ALG6: variants seen among roughly 807,000 people sequenced by gnomAD.
ALG6 encodes the protein dolichyl pyrophosphate Man9GlcNAc2 alpha-1,3-glucosyltransferase.
ALG6 carries 46 observed loss-of-function variants against 66.6 expected under a neutral mutation model. The ratio of observed to expected loss-of-function variants is 0.69; its 90% CI spans 0.55 to 0.88. ALG6 has a LOEUF of 0.88. Ranked by LOEUF, ALG6 falls within the 40% of genes least tolerant of loss-of-function variation. ALG6 has a pLI of 0.00. For synonymous variants in ALG6, 185 were observed against 203.7 expected (o/e 0.91, Z 0.78); for missense variants, 505 against 586.8 (o/e 0.86, Z 1.44).
chr1:63,410,661 T>C (rs1402944266), intron 7 of ALG6, among the ~76,000 whole-genome samples: 5 of 152,200 alleles, frequency 3.3e-5, no homozygotes, highest in Non-Finnish European at 7.4e-5. Flanking sequence ...GAAAATCTAA[T>C]TGTGATATTG....
Position 63,375,333 on chromosome 1 carries a change from T to C in ALG6, c.82+4274T>C, listed in dbSNP as rs187010582. Among the ~76,000 whole-genome samples, 694 of 151,866 alleles carry C rather than the reference T, an allele frequency of 4.6e-3. 4 individuals are homozygous for C. Among genetic ancestry groups the C allele is most frequent in the African/African-American group, 0.016 (665 of 41,446 alleles). ...AATCTCGGCTCACTACAATATCCGTTTCCTGGGTTCAAGCAATTCTCCTGC... is the reference window on the plus strand; with the variant it reads ...AATCTCGGCTCACTACAATATCCGTCTCCTGGGTTCAAGCAATTCTCCTGC... On this transcript the variant is annotated intron_variant, in intron 2 of 14. Transcript: ENST00000263440.
At chr1:63,409,455 A>C (rs367554244) in intron 7 of ALG6, among the ~76,000 whole-genome samples, 8 of 152,080 alleles carry the variant, frequency 5.3e-5, no homozygotes, top group African/African-American at 1.7e-4. Flanking sequence ...CCTATTAGTC[A>C]GATGTTTGAT....
chr1:63,389,168 ATC>A (rs750671136), intron 2 of ALG6, among the ~76,000 whole-genome samples: 5 of 149,916 alleles, frequency 3.3e-5, no homozygotes, highest in Admixed American at 6.7e-5. Flanking sequence ...TTCTACCCTG[ATC>A]TCTCTCTCTC....
rs774373539 is a variant in ALG6, at chr1:63,412,077, T to C, written c.816+16T>C. 28 of 1,613,808 alleles carry C rather than the reference T, an allele frequency of 1.7e-5. No individual in the cohort carries two copies. The highest frequency in any genetic ancestry group is 2.2e-5 in the South Asian group (2 of 91,086). Reference sequence around the variant, plus strand: ...ATTATTTGAGGCATGTTTAAACACTTTCCTCTCCTTTCTGTTACTGTACCT... The same window carrying C: ...ATTATTTGAGGCATGTTTAAACACTCTCCTCTCCTTTCTGTTACTGTACCT... On this transcript the variant is annotated intron_variant, in intron 9 of 14. Transcript: ENST00000263440.
chr1:63,430,736 G>A (rs1332634945), intron 14 of ALG6, among the ~76,000 whole-genome samples: 1 of 151,964 alleles, frequency 6.6e-6, no homozygotes, highest in African/African-American at 2.4e-5. Flanking sequence ...ATTTTAAACT[G>A]GGTTGTCTTT....
intron 6 of ALG6, 44 bp from the exon 7 acceptor site, chr1:63,407,018 G>A (rs1348469584): frequency 6.9e-7 from 1 of 1,451,984 alleles, no homozygotes; most frequent in African/African-American, 1.4e-5. Flanking sequence ...TGCTTGATTT[G>A]TGTAACAGAT....
chr1:63,394,271 T>C (rs1003632863), intron 2 of ALG6, among the ~76,000 whole-genome samples: 7 of 152,264 alleles, frequency 4.6e-5, no homozygotes, highest in Admixed American at 4.6e-4. Context: ...GCTGTGATTA[T>C]ACTGTACCTC....
chr1:63,410,225 T>G (rs183772387), intron 7 of ALG6, among the ~76,000 whole-genome samples: 111 of 152,230 alleles, frequency 7.3e-4, no homozygotes, highest in Non-Finnish European at 1.2e-3. Flanking sequence ...TTATAACAGA[T>G]CCTCCCATTC....
chr1:63,426,317 G>A (rs1390817059), intron 12 of ALG6, among the ~76,000 whole-genome samples: 8 of 152,168 alleles, frequency 5.3e-5, no homozygotes, highest in Non-Finnish European at 1.0e-4. Flanking sequence ...CAAGTCACTT[G>A]AAGACTGTGG....
chr1:63,426,191 C>T (rs973218047), intron 12 of ALG6, among the ~76,000 whole-genome samples: 2 of 151,932 alleles, frequency 1.3e-5, no homozygotes, highest in Non-Finnish European at 2.9e-5. Flanking sequence ...GGGGAATAAT[C>T]GGGGATAAAG....
At chr1:63,392,464 C>T (rs949811154) in intron 2 of ALG6, among the ~76,000 whole-genome samples, 1 of 152,114 alleles carries the variant, frequency 6.6e-6, no homozygotes, top group African/African-American at 2.4e-5. Flanking sequence ...AGCCACCACA[C>T]CCTGCCAAAA....
Position 63,433,153 on chromosome 1 carries a change from G to A in ALG6, c.1327-3670G>A, listed in dbSNP as rs954301940. ...AGACGGGGTTTCACCATATTGGCCA[G>A]GCTGGTCTCGAACTCCTGACCTCGT... On this transcript the variant is annotated intron_variant, in intron 14 of 14. Transcript: ENST00000263440. This position sits in a 1 kb window ranked among gnomAD's most constrained non-coding sequence, Gnocchi z 4.2. Among the ~76,000 whole-genome samples, 2 of 152,078 alleles carry A rather than the reference G, an allele frequency of 1.3e-5. No individual in the cohort carries two copies. The highest frequency in any genetic ancestry group is 2.9e-5 in the Non-Finnish European group (2 of 68,014).
intron 12 of ALG6, among the ~76,000 whole-genome samples, chr1:63,422,298 G>GATATAAATATAT (rs1557595130): frequency 1.6e-5 from 1 of 60,936 alleles, no homozygotes; most frequent in East Asian, 4.1e-4. Context: ...TATTTATATA[G>GATATAAATATAT]ATATAAATAT....
Position 63,411,938 on chromosome 1 carries a change from A to G in ALG6, c.693A>G (p.Leu231=), listed in dbSNP as rs777520437. 13 of 1,613,960 alleles carry G rather than the reference A, an allele frequency of 8.1e-6. No homozygotes were observed. Among genetic ancestry groups the G allele is most frequent in the East Asian group, 2.2e-5 (1 of 44,898 alleles). ...GTTTTTGTTTTAGGTTTGTGTTGCTAGTTAAGCTAGCTTGTATTGTTGTGG... is the reference window on the plus strand; with the variant it reads ...GTTTTTGTTTTAGGTTTGTGTTGCTGGTTAAGCTAGCTTGTATTGTTGTGG... ...KGLKGKGFVL[L]VKLACIVVAS... is the part of the protein sequence containing the mutation. The change falls in exon 9 of 15, where the codon CTA becomes CTG. Residue 231 remains leucine, a synonymous_variant. Transcript: ENST00000263440.
In ALG6 at chr1:63,370,999, A is replaced by T. The variant is rs758595644; in HGVS notation, c.22A>T (p.Thr8Ser). MEKWYLM[T>S]VVVLIGLTVR... ...AACTATGGAGAAATGGTACTTGATGACAGTAGTGGTTTTAATAGGACTAAC... is the reference window on the plus strand; with the variant it reads ...AACTATGGAGAAATGGTACTTGATGTCAGTAGTGGTTTTAATAGGACTAAC... Residue 8 changes from threonine (T) to serine (S), a missense_variant, in exon 2 of 15, where the codon ACA becomes TCA. Physicochemically the swap from Thr to Ser is moderately conservative, Grantham distance 58. Coordinates refer to ENST00000263440, the MANE Select transcript of ALG6 (RefSeq NM_013339.4). 7.5e-6 allele frequency: 12 copies of T among 1,609,990 alleles called. No individual in the cohort carries two copies. The East Asian group carries it at 1.6e-4, about 21-fold the overall frequency.
intron 12 of ALG6, among the ~76,000 whole-genome samples, chr1:63,422,456 A>T (rs868436977): frequency 1.0e-3 from 40 of 39,616 alleles, no homozygotes; most frequent in Non-Finnish European, 4.1e-4. Flanking sequence ...TATATATATA[A>T]ATATAAATAT....
At position 63,374,628 on chromosome 1, in the gene ALG6, CAA is replaced by C. The variant is rs5774649; in HGVS notation, c.82+3580_82+3581del. ...GGGTGACAGAGCAAGACTCTGTCTC[CAA>C]AAAAAAAAAAGGATTCTTGTGAGGA... is the stretch of plus-strand genomic sequence containing the variant. On this transcript the variant is annotated intron_variant, in intron 2 of 14. Transcript: ENST00000263440. Among the ~76,000 whole-genome samples, 1,455 of 145,612 alleles carry C rather than the reference CAA, an allele frequency of 1.0e-2. 25 individuals carry two copies. Among genetic ancestry groups the C allele is most frequent in the African/African-American group, 0.033 (1,328 of 39,744 alleles).
At chr1:63,403,110 A>AAT (rs1259791462) in intron 4 of ALG6, among the ~76,000 whole-genome samples, 1 of 151,094 alleles carries the variant, frequency 6.6e-6, no homozygotes, top group African/African-American at 2.4e-5. Context: ...AAAAAAAAAA[A>AAT]AAAAAAAAAA....
intron 2 of ALG6, among the ~76,000 whole-genome samples, chr1:63,371,462 T>C (rs1225914405): frequency 6.6e-6 from 1 of 151,988 alleles, no homozygotes; most frequent in Non-Finnish European, 1.5e-5. Context: ...ATTGATGGAG[T>C]GTGGTCCTGG....
Sources: allele counts gnomAD v4.1 joint callset (sites outside exome capture counted in the v4.1 genomes callset), GRCh38; gene constraint gnomAD v4.1.1; non-coding constraint Gnocchi (gnomAD v3.1); transcripts MANE v1.5; gene names NCBI Gene and HGNC (gene_info 2026-07-23, HGNC 2026-07-21).